Variants in SOHLH2 observed in about 807,000 individuals in gnomAD.
SOHLH2 encodes the protein spermatogenesis and oogenesis specific basic helix-loop-helix 2.
Under a neutral mutation model 50.4 loss-of-function variants are expected in SOHLH2, and 22 were observed. The ratio of observed to expected loss-of-function variants is 0.44; its 90% CI spans 0.31 to 0.62. The LOEUF (loss-of-function observed/expected upper bound fraction) is 0.62. SOHLH2 is among the 20% of genes least tolerant of loss of function. The pLI, the probability that SOHLH2 is intolerant of heterozygous loss-of-function variation, is 0.08. For missense variants in SOHLH2, 412 were observed against 504.4 expected, an observed-to-expected ratio of 0.82 and a Z score of 1.76; for synonymous variants, 185 against 187.3, an observed-to-expected ratio of 0.99 and a Z score of 0.10.
intron 2 of SOHLH2, among the ~76,000 whole-genome samples, chr13:36,201,477 ATT>A (rs35535088): frequency 6.7e-6 from 1 of 148,910 alleles, no homozygotes; most frequent in Non-Finnish European, 1.5e-5. Context: ...AATATCCCTC[ATT>A]TTTTTTTTTT....
chr13:36,211,954 G>C, intron 1 of SOHLH2, among the ~76,000 whole-genome samples: 1 of 152,134 alleles, frequency 6.6e-6, no homozygotes, highest in East Asian at 1.9e-4. Flanking sequence ...TAAAATAATA[G>C]AAATCAACTG....
intron 9 of SOHLH2, among the ~76,000 whole-genome samples, chr13:36,172,697 G>C (rs1275047652): frequency 6.6e-6 from 1 of 152,172 alleles, no homozygotes. Context: ...CATCTTTGAG[G>C]CAGGGACATT....
chr13:36,183,814 A>C (rs943325344), intron 6 of SOHLH2, among the ~76,000 whole-genome samples: 4 of 152,222 alleles, frequency 2.6e-5, no homozygotes, highest in Non-Finnish European at 5.9e-5. Flanking sequence ...ACTAGCATAG[A>C]AAAATTAGCA....
chr13:36,186,970 G>C (rs1223301672), intron 6 of SOHLH2, among the ~76,000 whole-genome samples: 1 of 152,152 alleles, frequency 6.6e-6, no homozygotes, highest in Non-Finnish European at 1.5e-5. Flanking sequence ...AACGATTTCA[G>C]ATTCACAGGC....
intron 4 of SOHLH2, 103 bp downstream of exon 4, chr13:36,193,518 T>G (rs141975827): frequency 7.9e-7 from 1 of 1,273,086 alleles, no homozygotes; most frequent in Non-Finnish European, 1.1e-6. Context: ...GAATACATAT[T>G]TCTCCCTTTA....
At chr13:36,172,929 CTT>C (rs2138266898) in intron 9 of SOHLH2, among the ~76,000 whole-genome samples, 1 of 152,294 alleles carries the variant, frequency 6.6e-6, no homozygotes, top group African/African-American at 2.4e-5. Flanking sequence ...CGGAGAGTAA[CTT>C]TATCTTCAGG....
Position 36,193,732 on chromosome 13 carries a change from A to G in SOHLH2, c.326-7T>C, listed in dbSNP as rs1887642410. The stretch of plus-strand genomic sequence containing the variant: ...CCATGCCCTGAAATACAACCTAAGA[A>G]TCTTTATATTAAATATTGACCTTAT... On this transcript the variant is annotated splice_polypyrimidine_tract_variant and splice_region_variant and intron_variant, in intron 3 of 10. Coordinates refer to ENST00000379881, the MANE Select transcript of SOHLH2 (RefSeq NM_017826.3). The G allele has an allele frequency of 6.2e-7, 1 of 1,607,940 alleles. No homozygotes were observed.
At chr13:36,198,359 T>C (rs529262354) in intron 2 of SOHLH2, among the ~76,000 whole-genome samples, 1 of 152,310 alleles carries the variant, frequency 6.6e-6, no homozygotes, top group East Asian at 1.9e-4. Context: ...GTCTGAATTA[T>C]CAAGTATCTG....
intron 1 of SOHLH2, among the ~76,000 whole-genome samples, chr13:36,205,508 AT>A (rs917678479): frequency 1.5e-4 from 23 of 151,598 alleles, no homozygotes; most frequent in African/African-American, 5.1e-4. Flanking sequence ...GTATAACATG[AT>A]TTTTTTTTAA....
intron 1 of SOHLH2, among the ~76,000 whole-genome samples, chr13:36,206,785 A>G (rs1359917336): frequency 6.6e-6 from 1 of 151,812 alleles, no homozygotes; most frequent in East Asian, 1.9e-4. Flanking sequence ...GGTTTTGTCA[A>G]TCCATCAATT....
At chr13:36,184,672 A>T (rs1187458491) in intron 6 of SOHLH2, among the ~76,000 whole-genome samples, 2 of 151,922 alleles carry the variant, frequency 1.3e-5, no homozygotes, top group African/African-American at 4.8e-5. Flanking sequence ...GTTAGCTAGG[A>T]TGGTCTCGAT....
In SOHLH2 at chr13:36,214,540, G is replaced by T. The variant is rs567581993; in HGVS notation, c.-14C>A. ...TGAGGAAGCCATGGCCGCTGCGCAC[G>T]TGCTGGGTCCTGGGGCAGCCTCCCA... On this transcript the variant is annotated 5_prime_UTR_variant, in exon 1 of 11. Coordinates refer to ENST00000379881, the MANE Select transcript of SOHLH2 (RefSeq NM_017826.3). 54 of 1,609,438 alleles carry T rather than the reference G, an allele frequency of 3.4e-5. No individual in the cohort carries two copies. In the South Asian group the frequency reaches 4.2e-4, roughly 13 times the overall value.
At chr13:36,187,991 G>A (rs1295055957) in intron 6 of SOHLH2, among the ~76,000 whole-genome samples, 2 of 152,050 alleles carry the variant, frequency 1.3e-5, no homozygotes, top group Non-Finnish European at 1.5e-5. Context: ...TCCCCTTCCT[G>A]TCTCTTGAAA....
In SOHLH2 at chr13:36,180,643, GT is replaced by G. The variant is rs34482342; in HGVS notation, c.642-5775del. ...TGTTTTACCCATGGATTACTTAGAA[GT>G]TTTTTTTTTTTTAATTTCCATATAT... On this transcript the variant is annotated intron_variant, in intron 6 of 10. Coordinates refer to ENST00000379881, the MANE Select transcript of SOHLH2 (RefSeq NM_017826.3). Among the ~76,000 whole-genome samples the G allele has an allele frequency of 8.5e-3, 1,190 of 140,794 alleles. 5 individuals carry two copies. Among genetic ancestry groups the G allele is most frequent in the Non-Finnish European group, 0.011 (739 of 65,024 alleles). 92.4% of individuals were successfully genotyped at this position (140,794 alleles called of 152,430 possible).
chr13:36,189,318 A>G (rs1887511069), intron 6 of SOHLH2, among the ~76,000 whole-genome samples: 1 of 152,162 alleles, frequency 6.6e-6, no homozygotes, highest in African/African-American at 2.4e-5. Context: ...AGACTAGGTT[A>G]TAATTTGAAT....
intron 10 of SOHLH2, 95 bp from the exon 11 acceptor site, chr13:36,169,149 G>A: frequency 2.1e-6 from 3 of 1,440,232 alleles, no homozygotes; most frequent in Non-Finnish European, 2.7e-6. Context: ...AAAACAATCT[G>A]AAATGATTTG....
At chr13:36,170,172 G>A (rs767075677) in intron 10 of SOHLH2, among the ~76,000 whole-genome samples, 2 of 152,116 alleles carry the variant, frequency 1.3e-5, no homozygotes, top group Non-Finnish European at 2.9e-5. Context: ...AGTTAGTTAC[G>A]GGGCCAGTTG....
Position 36,211,501 on chromosome 13 carries a change from G to A in SOHLH2, c.48+2978C>T, listed in dbSNP as rs542670461. Among the ~76,000 whole-genome samples, 5 of 152,322 alleles carry A rather than the reference G, an allele frequency of 3.3e-5. No homozygotes were observed. In the South Asian group the frequency reaches 1.0e-3, roughly 32 times the overall value. ...CATTCTAATAGCCCTTTTCTCTGCT[G>A]ATAAGAAAGCATGGCATTCAATCCT... On this transcript the variant is annotated intron_variant, in intron 1 of 10. Transcript: ENST00000379881.
intron 2 of SOHLH2, among the ~76,000 whole-genome samples, chr13:36,196,469 G>A (rs987556223): frequency 3.3e-5 from 5 of 152,010 alleles, no homozygotes; most frequent in South Asian, 4.2e-4. Flanking sequence ...GGATTATAAC[G>A]GAGGTACAGA....
Sources: allele counts gnomAD v4.1 joint callset (sites outside exome capture counted in the v4.1 genomes callset), GRCh38; gene constraint gnomAD v4.1.1; transcripts MANE v1.5; gene names NCBI Gene and HGNC (gene_info 2026-07-23, HGNC 2026-07-21).